Variants in ZPBP observed in about 807,000 individuals in gnomAD.
ZPBP encodes the protein zona pellucida binding protein.
A neutral mutation model predicts 44.8 loss-of-function variants in ZPBP; 26 were observed. The observed-to-expected ratio is 0.58, with a 90% CI of 0.43 to 0.81. The LOEUF (loss-of-function observed/expected upper bound fraction) is 0.81. Ranked by LOEUF, ZPBP falls within the 30% of genes least tolerant of loss-of-function variation. ZPBP has a pLI of 0.00. For missense variants in ZPBP, 409 were observed against 434.0 expected, an observed-to-expected ratio of 0.94 and a Z score of 0.51; for synonymous variants, 174 against 153.2, an observed-to-expected ratio of 1.14 and a Z score of -1.00.
At chr7:49,850,709 G>A (rs1478645940) in intron 2 of ZPBP, among the ~76,000 whole-genome samples, 1 of 152,234 alleles carries the variant, frequency 6.6e-6, no homozygotes, top group Non-Finnish European at 1.5e-5. Context: ...TTGTGTTCAT[G>A]TATTGGTCTC....
chr7:49,992,457 A>G (rs530648899), intron 6 of ZPBP, among the ~76,000 whole-genome samples: 1 of 152,312 alleles, frequency 6.6e-6, no homozygotes, highest in African/African-American at 2.4e-5. Flanking sequence ...AGTGAAATTA[A>G]AAATTAAATG....
chr7:49,960,872 T>G (rs955023648), intron 7 of ZPBP, among the ~76,000 whole-genome samples: 2 of 141,646 alleles, frequency 1.4e-5, no homozygotes, highest in Non-Finnish European at 3.1e-5. Context: ...GGAGCAACTG[T>G]CACCTCACAT....
intron 7 of ZPBP, among the ~76,000 whole-genome samples, chr7:49,959,914 T>C (rs996516095): frequency 6.6e-6 from 1 of 152,220 alleles, no homozygotes; most frequent in Non-Finnish European, 1.5e-5. Flanking sequence ...TGGAGCATAA[T>C]TAAATGTACA....
At chr7:50,087,378 G>T (rs1171268856) in intron 2 of ZPBP, among the ~76,000 whole-genome samples, 1 of 151,994 alleles carries the variant, frequency 6.6e-6, no homozygotes. Context: ...AAATCAATGT[G>T]ATGCATCATA....
chr7:49,980,681 T>C (rs1796814305), intron 7 of ZPBP, among the ~76,000 whole-genome samples: 1 of 151,914 alleles, frequency 6.6e-6, no homozygotes, highest in African/African-American at 2.4e-5. Context: ...CTAACAGAAT[T>C]AGAACTCGGT....
At chr7:49,845,420 G>A in the ZPBP span, among the ~76,000 whole-genome samples, 7,069 of 152,250 alleles carry the variant, frequency 0.046, 540 homozygotes, top group African/African-American at 0.16. Context: ...AACAATGCTT[G>A]TGATTATTAC....
chr7:50,065,980 T>C (rs1176213118), intron 3 of ZPBP, among the ~76,000 whole-genome samples: 1 of 151,190 alleles, frequency 6.6e-6, no homozygotes, highest in Non-Finnish European at 1.5e-5. Context: ...TTTCATTTGG[T>C]TGACATACTA....
the ZPBP span, among the ~76,000 whole-genome samples, chr7:49,843,785 G>T: frequency 2.0e-5 from 3 of 152,302 alleles, no homozygotes; most frequent in East Asian, 1.9e-4. Flanking sequence ...AGGGCATTGT[G>T]CAAGGACTTA....
intron 1 of ZPBP, chr7:49,918,595 A>G (rs970743733): frequency 6.6e-6 from 1 of 152,256 alleles, no homozygotes; most frequent in African/African-American, 2.4e-5. Context: ...TTTACAAAAT[A>G]TAACCAAATA....
intron 3 of ZPBP, among the ~76,000 whole-genome samples, chr7:50,074,675 G>A (rs1801999400): frequency 6.6e-6 from 1 of 151,736 alleles, no homozygotes; most frequent in Non-Finnish European, 1.5e-5. Flanking sequence ...AAAAAAAATG[G>A]TCACTATATA....
intron 7 of ZPBP, among the ~76,000 whole-genome samples, chr7:49,952,432 A>C (rs981894757): frequency 1.3e-5 from 2 of 151,874 alleles, no homozygotes; most frequent in Non-Finnish European, 2.9e-5. Flanking sequence ...TATACAAAGA[A>C]CTCCACTTTT....
chr7:49,934,066 A>AG (rs1205735954), downstream of ZPBP, among the ~76,000 whole-genome samples: 1 of 151,366 alleles, frequency 6.6e-6, no homozygotes, highest in East Asian at 1.9e-4. Context: ...AAAAAAAAAA[A>AG]AGAACTAAGA....
At chr7:49,979,016 T>C (rs1016606863) in intron 7 of ZPBP, among the ~76,000 whole-genome samples, 3 of 152,042 alleles carry the variant, frequency 2.0e-5, no homozygotes, top group African/African-American at 4.8e-5. Context: ...AAATGAAATT[T>C]AGCAACTCAC....
At chr7:49,981,304 T>A (rs1796868123) in intron 7 of ZPBP, among the ~76,000 whole-genome samples, 2 of 59,006 alleles carry the variant, frequency 3.4e-5, no homozygotes, top group African/African-American at 5.2e-5. Flanking sequence ...ATATTATATA[T>A]AATTATATAT....
intron 5 of ZPBP, among the ~76,000 whole-genome samples, chr7:50,022,844 A>T (rs1323332213): frequency 6.6e-6 from 1 of 152,108 alleles, no homozygotes; most frequent in Non-Finnish European, 1.5e-5. Context: ...AATTTAAATT[A>T]TAATTGAGGG....
intron 5 of ZPBP, among the ~76,000 whole-genome samples, chr7:50,021,710 A>ATAGG (rs1479927577): frequency 6.6e-6 from 1 of 152,142 alleles, no homozygotes; most frequent in African/African-American, 2.4e-5. Context: ...GAGACAAATT[A>ATAGG]TAATGAAATT....
At chr7:49,963,063 AC>A (rs1795920070) in intron 7 of ZPBP, among the ~76,000 whole-genome samples, 1 of 151,714 alleles carries the variant, frequency 6.6e-6, no homozygotes, top group Admixed American at 6.6e-5. Context: ...ATTTGAACAA[AC>A]AGTTCAGAGA....
chr7:50,026,028 G>A (rs576334573), intron 5 of ZPBP, among the ~76,000 whole-genome samples: 2 of 151,842 alleles, frequency 1.3e-5, no homozygotes, highest in South Asian at 2.1e-4. Context: ...GTAAAGGGAT[G>A]AAAAAAGATA....
At chr7:49,980,344 C>T (rs796367655) in intron 7 of ZPBP, among the ~76,000 whole-genome samples, 1 of 130,232 alleles carries the variant, frequency 7.7e-6, no homozygotes, top group Non-Finnish European at 1.6e-5. Context: ...TTATATAATA[C>T]ATAATATAAA....
Sources: gnomAD v4.1 joint callset for allele counts (sites outside exome capture counted in the v4.1 genomes callset) on GRCh38, gnomAD v4.1.1 for gene constraint, MANE v1.5 for transcripts, NCBI Gene and HGNC (gene_info 2026-07-23, HGNC 2026-07-21) for gene names.